Variants in TEX9 observed in about 807,000 individuals in gnomAD.
TEX9 encodes the protein testis-expressed protein 9.
Under a neutral mutation model 59.6 loss-of-function variants are expected in TEX9, and 74 were observed. The ratio of observed to expected loss-of-function variants is 1.24; its 90% CI spans 1.03 to 1.51. The LOEUF is 1.51. TEX9 is among the 40% of genes most tolerant of loss of function. The pLI, the probability that TEX9 is intolerant of heterozygous loss-of-function variation, is 0.00. For missense variants in TEX9, 522 were observed against 447.8 expected, an observed-to-expected ratio of 1.17 and a Z score of -1.49; for synonymous variants, 186 against 152.2, an observed-to-expected ratio of 1.22 and a Z score of -1.64.
At chr15:56,299,206 T>C (rs2045285324) in intron 1 of TEX9, among the ~76,000 whole-genome samples, 1 of 152,096 alleles carries the variant, frequency 6.6e-6, no homozygotes, top group South Asian at 2.1e-4. Flanking sequence ...GCCACAGAAA[T>C]AGAATCTGTG....
At chr15:56,247,175 A>G (rs2043878542) in intron 1 of TEX9, among the ~76,000 whole-genome samples, 1 of 152,162 alleles carries the variant, frequency 6.6e-6, no homozygotes, top group Admixed American at 6.5e-5. Context: ...TGAAACTGTA[A>G]ACATTTTATA....
At chr15:56,354,497 T>C (rs2554291) in intron 1 of TEX9, among the ~76,000 whole-genome samples, 7,565 of 152,220 alleles carry the variant, frequency 0.05, 445 homozygotes, top group African/African-American at 0.14. Flanking sequence ...GTGTTAGTTA[T>C]ATTTATATCA....
chr15:56,439,435 A>T (rs2050782121), intron 12 of TEX9, among the ~76,000 whole-genome samples: 1 of 92,312 alleles, frequency 1.1e-5, no homozygotes. Flanking sequence ...AGGCAAAGGA[A>T]CTAGAATAGC....
chr15:56,333,295 C>T (rs1303119731), intron 1 of TEX9, among the ~76,000 whole-genome samples: 2 of 152,006 alleles, frequency 1.3e-5, no homozygotes, highest in African/African-American at 4.8e-5. Context: ...AATTCAACAA[C>T]ACATCAAAAA....
downstream of TEX9, among the ~76,000 whole-genome samples, chr15:56,449,202 T>C (rs2050930137): frequency 6.6e-6 from 1 of 152,154 alleles, no homozygotes; most frequent in Admixed American, 6.5e-5. Context: ...CAAAGATGAC[T>C]AAAAGCTGTC....
chr15:56,279,011 T>G (rs369457419), intron 1 of TEX9, among the ~76,000 whole-genome samples: 50 of 152,314 alleles, frequency 3.3e-4, no homozygotes, highest in African/African-American at 1.1e-3. Context: ...TTTTTGTCAT[T>G]TATTTATTTT....
intron 9 of TEX9, among the ~76,000 whole-genome samples, chr15:56,407,755 A>G (rs926658239): frequency 2.0e-5 from 3 of 151,960 alleles, no homozygotes; most frequent in East Asian, 1.9e-4. Flanking sequence ...ACCCCTTCCA[A>G]CCTCCTTATT....
intron 9 of TEX9, among the ~76,000 whole-genome samples, chr15:56,403,206 C>A (rs544428360): frequency 2.5e-4 from 38 of 152,344 alleles, no homozygotes; most frequent in African/African-American, 8.9e-4. Flanking sequence ...TCCCTGTTTG[C>A]AGATGACATG....
intron 1 of TEX9, among the ~76,000 whole-genome samples, chr15:56,287,716 C>T (rs2044987059): frequency 6.6e-6 from 1 of 152,066 alleles, no homozygotes; most frequent in East Asian, 1.9e-4. Context: ...ACCATTTTCT[C>T]TCTGTTTCTG....
At chr15:56,307,880 C>T (rs542866991) in intron 1 of TEX9, among the ~76,000 whole-genome samples, 2 of 152,268 alleles carry the variant, frequency 1.3e-5, no homozygotes, top group East Asian at 1.9e-4. Context: ...CTAATATTTC[C>T]AAGTTCATCC....
intron 1 of TEX9, among the ~76,000 whole-genome samples, chr15:56,344,356 T>G (rs1394005666): frequency 1.3e-5 from 2 of 152,200 alleles, no homozygotes; most frequent in African/African-American, 2.4e-5. Flanking sequence ...GAAGGATTGA[T>G]AAATGCTACG....
chr15:56,392,307 G>A (rs1481089209), intron 7 of TEX9, among the ~76,000 whole-genome samples: 1 of 152,110 alleles, frequency 6.6e-6, no homozygotes, highest in Admixed American at 6.6e-5. Context: ...TTCTGGGGAG[G>A]CCTCAGGAAA....
chr15:56,419,679 G>A (rs1385687752), intron 10 of TEX9, among the ~76,000 whole-genome samples: 1 of 151,798 alleles, frequency 6.6e-6, no homozygotes, highest in Non-Finnish European at 1.5e-5. Flanking sequence ...AGTCTGTTTA[G>A]TCTGTAGTCT....
chr15:56,430,505 C>A (rs2050558171), intron 12 of TEX9, among the ~76,000 whole-genome samples: 1 of 152,170 alleles, frequency 6.6e-6, no homozygotes. Flanking sequence ...CATGCCCAGC[C>A]AGTTACTATT....
intron 1 of TEX9, among the ~76,000 whole-genome samples, chr15:56,315,429 T>C (rs1166094542): frequency 1.3e-5 from 2 of 149,428 alleles, no homozygotes; most frequent in African/African-American, 2.4e-5. Flanking sequence ...TGGCTGGATA[T>C]GAAATTCTGG....
intron 1 of TEX9, among the ~76,000 whole-genome samples, chr15:56,299,093 T>C (rs1358252109): frequency 6.6e-6 from 1 of 152,196 alleles, no homozygotes; most frequent in Non-Finnish European, 1.5e-5. Flanking sequence ...TACCTGGTTT[T>C]AACATTATAT....
the TEX9 span, among the ~76,000 whole-genome samples, chr15:56,459,210 A>G: frequency 2.0e-5 from 3 of 152,172 alleles, no homozygotes; most frequent in African/African-American, 7.2e-5. Context: ...AATTCACACA[A>G]TATGTGGCCT....
chr15:56,337,905 CTT>C (rs1309163622), intron 1 of TEX9, among the ~76,000 whole-genome samples: 3 of 152,146 alleles, frequency 2.0e-5, no homozygotes, highest in Non-Finnish European at 4.4e-5. Context: ...TAAATAAACT[CTT>C]TAAAACTGGA....
intron 1 of TEX9, among the ~76,000 whole-genome samples, chr15:56,273,280 A>G (rs2044592353): frequency 6.6e-6 from 1 of 151,896 alleles, no homozygotes; most frequent in Non-Finnish European, 1.5e-5. Flanking sequence ...TATTATCTCT[A>G]CTATTGGTTT....
Sources: allele counts gnomAD v4.1 joint callset (sites outside exome capture counted in the v4.1 genomes callset), GRCh38; gene constraint gnomAD v4.1.1; transcripts MANE v1.5; gene names NCBI Gene and HGNC (gene_info 2026-07-23, HGNC 2026-07-21).